DDAH1: variants seen among roughly 807,000 people sequenced by gnomAD.
The protein encoded by DDAH1 is dimethylarginine dimethylaminohydrolase 1, also known as N(G),N(G)-dimethylarginine dimethylaminohydrolase 1.
Under a neutral mutation model 28.8 loss-of-function variants are expected in DDAH1, and 19 were observed. The ratio of observed to expected loss-of-function variants is 0.66; its 90% confidence interval spans 0.46 to 0.97. The LOEUF (loss-of-function observed/expected upper bound fraction) is 0.97. DDAH1 is among the 50% of genes least tolerant of loss of function. DDAH1 has a pLI of 0.00. For missense variants in DDAH1, 326 were observed against 375.9 expected (o/e 0.87, Z 1.10); for synonymous variants, 153 against 154.4 (o/e 0.99, Z 0.07).
intron 1 of DDAH1, among the ~76,000 whole-genome samples, chr1:85,513,217 A>C (rs564828590): frequency 5.9e-5 from 9 of 152,300 alleles, no homozygotes; most frequent in African/African-American, 1.2e-4. Flanking sequence ...ACCATCTGAT[A>C]TTTGACAAAC....
intron 1 of DDAH1, among the ~76,000 whole-genome samples, chr1:85,566,491 CAA>C (rs200302503): frequency 2.5e-4 from 21 of 84,712 alleles, no homozygotes; most frequent in East Asian, 3.5e-4. Context: ...GACCCCATCT[CAA>C]AAAAAAAAAA....
At chr1:85,458,443 T>C (rs1434848518) in intron 1 of DDAH1, among the ~76,000 whole-genome samples, 2 of 150,256 alleles carry the variant, frequency 1.3e-5, no homozygotes, top group Admixed American at 6.6e-5. Context: ...TTTTTTTTTT[T>C]TTTTTAGACA....
At chr1:85,554,795 G>C (rs1658913270) in intron 1 of DDAH1, among the ~76,000 whole-genome samples, 1 of 152,202 alleles carries the variant, frequency 6.6e-6, no homozygotes, top group Non-Finnish European at 1.5e-5. Flanking sequence ...TGCACTGTCA[G>C]TCATTGCTAA....
At chr1:85,327,265 C>T (rs1189442955) in intron 4 of DDAH1, among the ~76,000 whole-genome samples, 3 of 152,140 alleles carry the variant, frequency 2.0e-5, no homozygotes, top group African/African-American at 7.2e-5. Context: ...GAGGTTGCCA[C>T]CAGCCGAGAT....
chr1:85,526,371 C>A (rs1391130777), intron 1 of DDAH1, among the ~76,000 whole-genome samples: 2 of 152,216 alleles, frequency 1.3e-5, no homozygotes, highest in African/African-American at 4.8e-5. Context: ...AGTTTCATTT[C>A]TTTGGCAGTC....
At chr1:85,385,721 C>G (rs977883297) in intron 1 of DDAH1, among the ~76,000 whole-genome samples, 2 of 152,142 alleles carry the variant, frequency 1.3e-5, no homozygotes, top group African/African-American at 2.4e-5. Context: ...TTACTCCATG[C>G]CTTAGTGCAT....
intron 1 of DDAH1, among the ~76,000 whole-genome samples, chr1:85,402,010 G>T (rs1328812250): frequency 1.3e-5 from 2 of 151,994 alleles, no homozygotes; most frequent in Admixed American, 1.3e-4. Flanking sequence ...TTTAGAGACA[G>T]GGTCTTGCTA....
intron 1 of DDAH1, among the ~76,000 whole-genome samples, chr1:85,445,108 T>A (rs541174940): frequency 2.6e-5 from 4 of 152,300 alleles, no homozygotes; most frequent in Non-Finnish European, 4.4e-5. Context: ...TGGCAGCTGA[T>A]TAGACTGTGC....
chr1:85,517,182 T>TAA (rs1429655965), intron 1 of DDAH1, among the ~76,000 whole-genome samples: 1 of 151,500 alleles, frequency 6.6e-6, no homozygotes, highest in East Asian at 1.9e-4. Flanking sequence ...GAGGTGTTAT[T>TAA]ATTCATCATA....
At chr1:85,456,852 C>T (rs12122482) in intron 1 of DDAH1, among the ~76,000 whole-genome samples, 2 of 152,148 alleles carry the variant, frequency 1.3e-5, no homozygotes, top group African/African-American at 2.4e-5. Context: ...AGGACCCCCC[C>T]ACCCTCCACC....
intron 2 of DDAH1, among the ~76,000 whole-genome samples, chr1:85,355,347 A>C (rs1649436974): frequency 6.6e-6 from 1 of 152,176 alleles, no homozygotes; most frequent in African/African-American, 2.4e-5. Context: ...AATATTCCCT[A>C]ATACATTCTA....
At chr1:85,448,365 A>G (rs775356194) in intron 1 of DDAH1, among the ~76,000 whole-genome samples, 1 of 152,198 alleles carries the variant, frequency 6.6e-6, no homozygotes, top group African/African-American at 2.4e-5. Context: ...TCTCTGCTCT[A>G]AGAGATAAGG....
chr1:85,414,777 C>A (rs78773881), intron 1 of DDAH1, among the ~76,000 whole-genome samples: 6,970 of 152,036 alleles, frequency 0.046, 260 homozygotes, highest in South Asian at 0.18. Flanking sequence ...GGAGGAGAGA[C>A]TCAAAGACTG....
At position 85,377,858 on chromosome 1, in the gene DDAH1, T is replaced by C. The variant is rs568476282; in HGVS notation, c.304-19011A>G. Reference sequence around the variant, plus strand: ...ATTTGAAGGCTGCCCACCTAAAGAATTGGAAAATATATAGTACAAACTGTA... The same window carrying C: ...ATTTGAAGGCTGCCCACCTAAAGAACTGGAAAATATATAGTACAAACTGTA... On this transcript the variant is annotated intron_variant, in intron 1 of 5. Transcript: ENST00000284031. Among the ~76,000 whole-genome samples, 4 of 152,238 alleles carry C rather than the reference T, an allele frequency of 2.6e-5. No homozygotes were observed. In the South Asian group the frequency reaches 8.3e-4, roughly 32 times the overall value.
At chr1:85,463,216 A>T (rs541837813) in intron 1 of DDAH1, among the ~76,000 whole-genome samples, 1 of 152,338 alleles carries the variant, frequency 6.6e-6, no homozygotes, top group South Asian at 2.1e-4. Context: ...GGCAGGGGAA[A>T]AAGATCACTG....
At chr1:85,520,341 C>T (rs1334643654) in intron 1 of DDAH1, among the ~76,000 whole-genome samples, 4 of 152,152 alleles carry the variant, frequency 2.6e-5, no homozygotes, top group African/African-American at 4.8e-5. Flanking sequence ...CCTAATGGCA[C>T]GTATATTTTG....
At chr1:85,410,704 T>C (rs1652616457) in intron 1 of DDAH1, among the ~76,000 whole-genome samples, 1 of 152,100 alleles carries the variant, frequency 6.6e-6, no homozygotes, top group Non-Finnish European at 1.5e-5. Context: ...CTGAGTATAA[T>C]TGAGTTTAAA....
chr1:85,326,770 C>A (rs1311495230), intron 4 of DDAH1, among the ~76,000 whole-genome samples: 1 of 152,172 alleles, frequency 6.6e-6, no homozygotes, highest in African/African-American at 2.4e-5. Flanking sequence ...TTAAATTGTT[C>A]TTGAAGGGAT....
intron 2 of DDAH1, among the ~76,000 whole-genome samples, chr1:85,480,527 C>T (rs925893590): frequency 7.9e-5 from 12 of 152,076 alleles, no homozygotes; most frequent in African/African-American, 2.9e-4. Context: ...GGCGGATCAC[C>T]TGAGGACAGG....
Sources: gnomAD v4.1 joint callset for allele counts (sites outside exome capture counted in the v4.1 genomes callset) on GRCh38, gnomAD v4.1.1 for gene constraint, MANE v1.5 for transcripts, NCBI Gene and HGNC (gene_info 2026-07-23, HGNC 2026-07-21) for gene names.